Variants in ABCA10 observed in about 807,000 individuals in gnomAD.
ABCA10 encodes ATP-binding cassette sub-family A member 10.
Under a neutral mutation model 187.5 loss-of-function variants are expected in ABCA10, and 169 were observed. The ratio of observed to expected loss-of-function variants is 0.90; its 90% confidence interval spans 0.80 to 1.02. The LOEUF (loss-of-function observed/expected upper bound fraction) is 1.02, where lower values mean the gene tolerates loss of function less well. ABCA10 is among the 50% of genes least tolerant of loss of function. The pLI, the probability that ABCA10 is intolerant of heterozygous loss-of-function variation, is 0.00. For synonymous variants in ABCA10, 574 were observed against 601.8 expected (o/e 0.95, Z 0.68); for missense variants, 1,727 against 1,812.4 (o/e 0.95, Z 0.86).
At chr17:69,163,310 G>T (rs890662658) in intron 27 of ABCA10, among the ~76,000 whole-genome samples, 2 of 152,180 alleles carry the variant, frequency 1.3e-5, no homozygotes, top group Middle Eastern at 3.4e-3. Flanking sequence ...ATACACAATA[G>T]AATTTATTTG....
chr17:69,183,754 C>G (rs994589243), intron 20 of ABCA10, among the ~76,000 whole-genome samples: 3 of 152,026 alleles, frequency 2.0e-5, no homozygotes, highest in Admixed American at 6.6e-5. Context: ...CAGAGGGGTC[C>G]TTGGGGAGGG....
chr17:69,231,031 T>C (rs1180263552), upstream of ABCA10, among the ~76,000 whole-genome samples: 1 of 152,104 alleles, frequency 6.6e-6, no homozygotes, highest in Non-Finnish European at 1.5e-5. Context: ...TTCCATTGTA[T>C]TAGTTTCCTA....
Position 69,177,159 on chromosome 17 carries a change from C to T in ABCA10, c.2770-1646G>A, listed in dbSNP as rs2074340605. Among the ~76,000 whole-genome samples, 2 of 152,126 alleles carry T rather than the reference C, an allele frequency of 1.3e-5. 1 individual carries two copies. The highest frequency in any genetic ancestry group is 4.1e-4 in the South Asian group (2 of 4,828). ...CTCTGCTTTATCTAATATACTAAGT[C>T]AAAAACTAATACTAGCATCTCCTCC... On this transcript the variant is annotated intron_variant, in intron 22 of 38. Coordinates refer to ENST00000690296, the MANE Select transcript of ABCA10 (RefSeq NM_001377321.1).
intron 1 of ABCA10, among the ~76,000 whole-genome samples, chr17:69,235,553 T>C (rs1236210138): frequency 6.6e-6 from 1 of 152,152 alleles, no homozygotes; most frequent in Non-Finnish European, 1.5e-5. Flanking sequence ...TTCTGGCTTC[T>C]TAGACTGCCT....
At chr17:69,155,741 C>A in intron 29 of ABCA10, 64 bp downstream of exon 29, 3 of 1,525,116 alleles carry the variant, frequency 2.0e-6, no homozygotes, top group South Asian at 1.4e-5. Flanking sequence ...AAACCAACAT[C>A]TCATCAATTC....
At chr17:69,185,256 A>C (rs1313827248) in intron 20 of ABCA10, among the ~76,000 whole-genome samples, 1 of 152,152 alleles carries the variant, frequency 6.6e-6, no homozygotes, top group African/African-American at 2.4e-5. Context: ...AAGAACTTAT[A>C]CATGTAACCA....
At chr17:69,237,633 C>G (rs911366580) in intron 1 of ABCA10, among the ~76,000 whole-genome samples, 2 of 152,122 alleles carry the variant, frequency 1.3e-5, no homozygotes, top group African/African-American at 2.4e-5. Flanking sequence ...GCGGCTAGTA[C>G]AGTTTTCTCA....
chr17:69,167,522 T>C (rs1404231145), intron 25 of ABCA10, among the ~76,000 whole-genome samples: 1 of 152,112 alleles, frequency 6.6e-6, no homozygotes, highest in Non-Finnish European at 1.5e-5. Flanking sequence ...AAAGAGATTG[T>C]AGACAGGGCA....
At chr17:69,226,027 T>C (rs1008924226) in intron 2 of ABCA10, among the ~76,000 whole-genome samples, 1 of 152,038 alleles carries the variant, frequency 6.6e-6, no homozygotes, top group Non-Finnish European at 1.5e-5. Context: ...CCTGAACAAA[T>C]CAACCTTAAA....
intron 26 of ABCA10, among the ~76,000 whole-genome samples, chr17:69,164,653 C>G (rs1018359601): frequency 5.3e-5 from 8 of 152,246 alleles, no homozygotes; most frequent in African/African-American, 1.9e-4. Context: ...GGATTCACCA[C>G]AAGAGAGCAT....
At chr17:69,216,508 T>A in intron 6 of ABCA10, 150 bp from the exon 7 acceptor site, 1 of 806,708 alleles carries the variant, frequency 1.2e-6, no homozygotes, top group Non-Finnish European at 1.8e-6. Context: ...TATTAGCAAG[T>A]TATTTATCTT....
chr17:69,198,070 C>G (rs1380184373), intron 10 of ABCA10, among the ~76,000 whole-genome samples: 3 of 151,750 alleles, frequency 2.0e-5, no homozygotes, highest in African/African-American at 7.3e-5. Flanking sequence ...AGCTAAGAGC[C>G]TGAGAGGCAT....
intron 25 of ABCA10, among the ~76,000 whole-genome samples, chr17:69,167,964 C>G (rs1467869760): frequency 6.6e-6 from 1 of 152,090 alleles, no homozygotes; most frequent in Non-Finnish European, 1.5e-5. Context: ...CCTCTGACAC[C>G]CCTAAGACAG....
chr17:69,151,166 A>G (rs2074125294), intron 36 of ABCA10, among the ~76,000 whole-genome samples: 1 of 152,134 alleles, frequency 6.6e-6, no homozygotes, highest in Admixed American at 6.6e-5. Context: ...CACATCAACT[A>G]CATGAGCTTT....
intron 22 of ABCA10, among the ~76,000 whole-genome samples, chr17:69,181,191 G>A (rs544930120): frequency 7.2e-5 from 11 of 152,104 alleles, no homozygotes; most frequent in South Asian, 6.2e-4. Flanking sequence ...ATTAATCAGC[G>A]TATATGTCTT....
chr17:69,195,770 G>C (rs1222214478), intron 11 of ABCA10, among the ~76,000 whole-genome samples: 1 of 151,656 alleles, frequency 6.6e-6, no homozygotes, highest in Non-Finnish European at 1.5e-5. Flanking sequence ...CTCTTAAGGA[G>C]CATGCTGCCT....
At chr17:69,225,147 T>C (rs2074783328) in intron 3 of ABCA10, among the ~76,000 whole-genome samples, 178 bp downstream of exon 3, 1 of 152,024 alleles carries the variant, frequency 6.6e-6, no homozygotes, top group Non-Finnish European at 1.5e-5. Flanking sequence ...GTAAATCATT[T>C]CATCTGTTGC....
rs920104227 is a variant in ABCA10, at chr17:69,209,753, C to G, written c.1006+4951G>C. 5.3e-5 allele frequency among the ~76,000 whole-genome samples: 8 copies of G among 152,264 alleles called. No homozygotes were observed. In the East Asian group the frequency reaches 9.6e-4, roughly 18 times the overall value. On this transcript the variant is annotated intron_variant, in intron 9 of 38. Transcript: ENST00000690296. ...TTTTGTCATTGTGCACTCTACAAAC[C>G]TAATGATATAGTCTACTACGCACCT...
At position 69,175,396 on chromosome 17, in the gene ABCA10, T is replaced by G. The variant is rs182367156; in HGVS notation, c.2877+10A>C. 5.7e-4 allele frequency: 910 copies of G among 1,596,250 alleles called. 3 individuals carry two copies. The African/African-American group carries it at 0.011, about 19-fold the overall frequency. On this transcript the variant is annotated intron_variant, in intron 23 of 38. Coordinates refer to ENST00000690296, the MANE Select transcript of ABCA10 (RefSeq NM_001377321.1). Reference sequence around the variant, plus strand: ...CAATCTCAATCTAATTTCCTCTCTCTCCCTCTTACTTTATAATCGCTGATG... The same window carrying G: ...CAATCTCAATCTAATTTCCTCTCTCGCCCTCTTACTTTATAATCGCTGATG...
Sources: gnomAD v4.1 joint callset for allele counts (sites outside exome capture counted in the v4.1 genomes callset) on GRCh38, gnomAD v4.1.1 for gene constraint, MANE v1.5 for transcripts, NCBI Gene and HGNC (gene_info 2026-07-23, HGNC 2026-07-21) for gene names.